The following DACH1 variants were observed in gnomAD, a reference collection of about 807,000 sequenced individuals.
DACH1 encodes the protein dachshund family transcription factor 1.
Under a neutral mutation model 54.2 loss-of-function variants are expected in DACH1, and 12 were observed. That is an observed-to-expected ratio of 0.22 (90% confidence interval 0.14 to 0.36). The LOEUF (loss-of-function observed/expected upper bound fraction) is 0.36. Ranked by LOEUF, DACH1 falls within the 10% of genes least tolerant of loss-of-function variation. The pLI is 1.00. For synonymous variants in DACH1, 386 were observed against 366.2 expected, an observed-to-expected ratio of 1.05 and a Z score of -0.62; for missense variants, 805 against 929.8, an observed-to-expected ratio of 0.87 and a Z score of 1.75.
intron 1 of DACH1, among the ~76,000 whole-genome samples, chr13:71,808,338 T>G (rs994208660): frequency 3.9e-5 from 6 of 152,140 alleles, no homozygotes; most frequent in African/African-American, 1.4e-4. Context: ...TCAACTTTCA[T>G]TATTGACCAG....
chr13:71,488,271 A>G (rs1216482284), intron 7 of DACH1, among the ~76,000 whole-genome samples: 1 of 152,212 alleles, frequency 6.6e-6, no homozygotes, highest in Admixed American at 6.5e-5. Flanking sequence ...GGAGAAGTAG[A>G]TGACAAAAAT....
At chr13:71,708,852 G>GTTTTTTTTTTTT (rs11322352) in intron 1 of DACH1, among the ~76,000 whole-genome samples, 1 of 120,394 alleles carries the variant, frequency 8.3e-6, no homozygotes, top group Non-Finnish European at 1.6e-5. Flanking sequence ...GTTTTTTGTT[G>GTTTTTTTTTTTT]TTTTTTTTTT....
rs1887871027 is a variant in DACH1 at position 71,815,348 on chromosome 13, G to A, written c.848+50574C>T. ...GGGGGTGGGCGGGGGGAGTAGCTGA[G>A]CGAGAGCCAGGCGTCAAGCACAGTG... On this transcript the variant is annotated intron_variant, in intron 1 of 10. Transcript: ENST00000613252. 2.0e-5 allele frequency among the ~76,000 whole-genome samples: 3 copies of A among 151,902 alleles called. No individual in the cohort carries two copies. In the South Asian group the frequency reaches 6.3e-4, roughly 32 times the overall value.
chr13:71,599,598 G>A (rs1366096724), intron 3 of DACH1, among the ~76,000 whole-genome samples: 1 of 151,992 alleles, frequency 6.6e-6, no homozygotes, highest in Non-Finnish European at 1.5e-5. Context: ...CTCTCCACCT[G>A]TATCTTGTTT....
At chr13:71,457,652 G>T (rs565964735) in intron 10 of DACH1, among the ~76,000 whole-genome samples, 6 of 152,050 alleles carry the variant, frequency 3.9e-5, no homozygotes, top group Admixed American at 6.6e-5. Context: ...ACTTTGCTTC[G>T]AAATGTTGCC....
At chr13:71,854,577 A>G (rs772332614) in intron 1 of DACH1, among the ~76,000 whole-genome samples, 2 of 152,152 alleles carry the variant, frequency 1.3e-5, no homozygotes, top group Non-Finnish European at 2.9e-5. Flanking sequence ...AAAGAGAGCT[A>G]GAAAGTGCCT....
chr13:71,758,758 T>C (rs1885275640), intron 1 of DACH1, among the ~76,000 whole-genome samples: 1 of 152,120 alleles, frequency 6.6e-6, no homozygotes, highest in Non-Finnish European at 1.5e-5. Context: ...AAATATCCGG[T>C]ATATTAAAAG....
intron 2 of DACH1, among the ~76,000 whole-genome samples, chr13:71,679,424 G>A (rs1880763831): frequency 1.3e-5 from 2 of 151,968 alleles, no homozygotes; most frequent in East Asian, 1.9e-4. Flanking sequence ...AATGAACTAT[G>A]TATCATCTTC....
intron 3 of DACH1, among the ~76,000 whole-genome samples, chr13:71,576,366 A>G (rs1347538251): frequency 6.6e-6 from 1 of 152,138 alleles, no homozygotes; most frequent in Non-Finnish European, 1.5e-5. Context: ...CAAATATGTA[A>G]GGAGTAGGTG....
At chr13:71,560,005 G>A (rs745427238) in intron 4 of DACH1, 50 bp from the exon 5 acceptor site, 21 of 1,427,740 alleles carry the variant, frequency 1.5e-5, no homozygotes, top group African/African-American at 4.4e-5. Flanking sequence ...TAAATACAAC[G>A]GATCTTTACT....
chr13:71,619,086 T>G (rs1416872468), intron 3 of DACH1, among the ~76,000 whole-genome samples: 2 of 151,510 alleles, frequency 1.3e-5, no homozygotes, highest in Non-Finnish European at 3.0e-5. Context: ...CTAAAAATAA[T>G]CTAATTCTGT....
rs1347776096 is a variant in DACH1, at chr13:71,865,584, A to AG, written c.848+337dup. On this transcript the variant is annotated intron_variant, in intron 1 of 10. Coordinates refer to ENST00000613252, the MANE Select transcript of DACH1 (RefSeq NM_080759.6). Reference sequence around the variant, plus strand: ...CTCCAGGCGCCCGCGCGCCCGGGGCAGGGGGCTGTGGCTCCAGCAAAGGCG... The same window carrying AG: ...CTCCAGGCGCCCGCGCGCCCGGGGCAGGGGGGCTGTGGCTCCAGCAAAGGCG... 5.3e-5 allele frequency among the ~76,000 whole-genome samples: 8 copies of AG among 152,228 alleles called. No individual in the cohort carries two copies. The South Asian group carries it at 1.2e-3, about 24-fold the overall frequency.
intron 1 of DACH1, among the ~76,000 whole-genome samples, chr13:71,787,564 A>T (rs894702971): frequency 6.6e-6 from 1 of 152,136 alleles, no homozygotes; most frequent in African/African-American, 2.4e-5. Flanking sequence ...GATTGGAGAG[A>T]TGTAGCCTCG....
intron 6 of DACH1, among the ~76,000 whole-genome samples, chr13:71,546,715 T>C (rs1883489944): frequency 6.6e-6 from 1 of 152,130 alleles, no homozygotes; most frequent in East Asian, 1.9e-4. Context: ...ACCTCAGCTA[T>C]GGTCTAAAAG....
chr13:71,472,331 G>T (rs1877154404), intron 10 of DACH1, among the ~76,000 whole-genome samples: 3 of 152,122 alleles, frequency 2.0e-5, no homozygotes, highest in East Asian at 1.9e-4. Flanking sequence ...GATTCCTCTT[G>T]TCCACCTCTG....
chr13:71,837,678 A>C (rs901861178), intron 1 of DACH1, among the ~76,000 whole-genome samples: 10 of 148,232 alleles, frequency 6.7e-5, no homozygotes, highest in Non-Finnish European at 1.3e-4. Flanking sequence ...ATATACCCAA[A>C]TGACTATAAA....
intron 3 of DACH1, 132 bp downstream of exon 3, chr13:71,630,424 A>C (rs1440638034): frequency 5.1e-6 from 7 of 1,367,074 alleles, no homozygotes; most frequent in Admixed American, 2.8e-5. Flanking sequence ...TGGTATCCTC[A>C]AACATACAGT....
intron 2 of DACH1, among the ~76,000 whole-genome samples, chr13:71,656,777 CAG>C (rs1397362295): frequency 6.7e-6 from 1 of 148,972 alleles, no homozygotes; most frequent in African/African-American, 2.5e-5. Context: ...GTTTTCAAGT[CAG>C]AATATATATA....
intron 1 of DACH1, among the ~76,000 whole-genome samples, chr13:71,823,231 T>A (rs990757066): frequency 1.3e-5 from 2 of 152,120 alleles, no homozygotes; most frequent in African/African-American, 2.4e-5. Flanking sequence ...AATTATTCAA[T>A]CTTTTGTTTC....
Sources: allele counts gnomAD v4.1 joint callset (sites outside exome capture counted in the v4.1 genomes callset), GRCh38; gene constraint gnomAD v4.1.1; transcripts MANE v1.5; gene names NCBI Gene and HGNC (gene_info 2026-07-23, HGNC 2026-07-21).